The following CUL5 variants were observed in gnomAD, a reference collection of about 807,000 sequenced individuals.
CUL5 encodes cullin 5, also known as cullin-5.
In CUL5, 26 loss-of-function variants were observed where a neutral mutation model predicts 108.8. The ratio of observed to expected loss-of-function variants is 0.24; its 90% CI spans 0.18 to 0.33. The LOEUF (loss-of-function observed/expected upper bound fraction) is 0.33. CUL5 is among the 10% of genes least tolerant of loss of function. The pLI is 1.00. For missense variants in CUL5, 524 were observed against 909.2 expected (o/e 0.58, Z 5.45); for synonymous variants, 334 against 298.0 (o/e 1.12, Z -1.25).
intron 7 of CUL5, among the ~76,000 whole-genome samples, chr11:108,056,116 T>G (rs1427088498): frequency 6.6e-6 from 1 of 152,168 alleles, no homozygotes; most frequent in Non-Finnish European, 1.5e-5. Flanking sequence ...TCAGTGACAG[T>G]ACCATGGTAG....
At chr11:108,102,141 A>G (rs1456266171) in intron 18 of CUL5, among the ~76,000 whole-genome samples, 1 of 150,582 alleles carries the variant, frequency 6.6e-6, no homozygotes, top group Non-Finnish European at 1.5e-5. Flanking sequence ...CCTGCCTCGG[A>G]CTCCTGAGTA....
intron 13 of CUL5, among the ~76,000 whole-genome samples, chr11:108,090,009 C>T (rs557371629): frequency 3.1e-4 from 47 of 149,702 alleles, no homozygotes; most frequent in Admixed American, 8.1e-4. Context: ...CATTGCACTC[C>T]AGCCTGGGTA....
intron 1 of CUL5, among the ~76,000 whole-genome samples, chr11:108,023,807 A>C (rs988952137): frequency 1.3e-5 from 2 of 152,234 alleles, no homozygotes; most frequent in Admixed American, 1.3e-4. Flanking sequence ...AAGTATTGCT[A>C]GAATTTGTTT....
chr11:108,073,284 A>G (rs893008966), intron 9 of CUL5, 106 bp from the exon 10 acceptor site: 3 of 602,066 alleles, frequency 5.0e-6, no homozygotes, highest in Non-Finnish European at 8.8e-6. Flanking sequence ...TTAAGAAAAA[A>G]TATCCCCAGT....
chr11:108,101,737 G>A (rs746835315), intron 18 of CUL5, among the ~76,000 whole-genome samples: 1 of 152,204 alleles, frequency 6.6e-6, no homozygotes, highest in Non-Finnish European at 1.5e-5. Flanking sequence ...ATGGGGACCA[G>A]GGCCAGTGTC....
chr11:108,096,995 A>G (rs1864518724), intron 16 of CUL5, among the ~76,000 whole-genome samples: 1 of 152,034 alleles, frequency 6.6e-6, no homozygotes, highest in Admixed American at 6.6e-5. Context: ...ACATTTTATT[A>G]CTACTCCATA....
In CUL5 at chr11:108,009,345, G is replaced by C. The variant is rs760477694; in HGVS notation, c.-4G>C. 1 of 1,613,468 alleles carries C rather than the reference G, an allele frequency of 6.2e-7. No individual in the cohort carries two copies. The stretch of plus-strand genomic sequence containing the variant: ...TCGTCTCGCGAGAGTCCAAGTTAAA[G>C]AACATGGCGACGTCTAATCTGTTAA... On this transcript the variant is annotated 5_prime_UTR_variant, in exon 1 of 19. Transcript: ENST00000393094.
At chr11:108,020,858 T>G (rs1375491768) in intron 1 of CUL5, among the ~76,000 whole-genome samples, 1 of 152,368 alleles carries the variant, frequency 6.6e-6, no homozygotes, top group Admixed American at 6.5e-5. Flanking sequence ...AGTAATGTCC[T>G]AGACCTTCAC....
At chr11:108,091,502 C>A (rs1864358855) in intron 13 of CUL5, among the ~76,000 whole-genome samples, 1 of 151,798 alleles carries the variant, frequency 6.6e-6, no homozygotes, top group Admixed American at 6.6e-5. Flanking sequence ...TGAGCCTGGG[C>A]AACGTGGTGA....
intron 2 of CUL5, among the ~76,000 whole-genome samples, chr11:108,041,215 C>T (rs1862898285): frequency 6.6e-6 from 1 of 152,120 alleles, no homozygotes; most frequent in South Asian, 2.1e-4. Context: ...GCCCATTTTC[C>T]TTCACAGGTG....
At chr11:108,089,383 A>G in intron 12 of CUL5, 109 bp from the exon 13 acceptor site, 2 of 719,348 alleles carry the variant, frequency 2.8e-6, no homozygotes, top group Non-Finnish European at 4.5e-6. Flanking sequence ...CTATCTGTAT[A>G]TGCTCATAAA....
intron 7 of CUL5, among the ~76,000 whole-genome samples, chr11:108,059,744 C>T (rs1271945205): frequency 1.3e-5 from 2 of 151,824 alleles, no homozygotes; most frequent in South Asian, 2.1e-4. Context: ...ATTAGTTGGG[C>T]GTGGTGGCAC....
intron 11 of CUL5, among the ~76,000 whole-genome samples, chr11:108,080,669 C>T (rs986746436): frequency 1.3e-5 from 2 of 152,128 alleles, no homozygotes; most frequent in African/African-American, 4.8e-5. Context: ...GCTGGGATTA[C>T]AGGCATGAGC....
At chr11:108,046,019 C>T (rs895124142) in intron 2 of CUL5, among the ~76,000 whole-genome samples, 9 of 152,012 alleles carry the variant, frequency 5.9e-5, no homozygotes, top group African/African-American at 2.2e-4. Flanking sequence ...TGGAGACATG[C>T]TTTCATAACT....
At position 108,019,473 on chromosome 11, in the gene CUL5, T is replaced by C. The variant is rs147036503; in HGVS notation, c.24+10101T>C. On this transcript the variant is annotated intron_variant, in intron 1 of 18. Transcript: ENST00000393094. The stretch of plus-strand genomic sequence containing the variant: ...ATTAATTGGATATACAGTCATTTAC[T>C]GCATATTGATGTTTTGGTCAACAAC... Among the ~76,000 whole-genome samples the C allele has an allele frequency of 2.7e-3, 418 of 152,346 alleles. 1 individual carries two copies. Among genetic ancestry groups the C allele is most frequent in the African/African-American group, 9.5e-3 (397 of 41,572 alleles).
At chr11:108,025,598 T>C (rs977722914) in intron 1 of CUL5, among the ~76,000 whole-genome samples, 2 of 152,228 alleles carry the variant, frequency 1.3e-5, no homozygotes, top group Non-Finnish European at 2.9e-5. Context: ...GTGTTTCCAC[T>C]CTGGCTGGTA....
rs966831410 is a variant in CUL5 at position 108,106,295 on chromosome 11, G to C, written c.*1911G>C. The C allele has an allele frequency of 6.6e-6, 1 of 152,406 alleles. No homozygotes were observed. The highest frequency in any genetic ancestry group is 1.5e-5 in the Non-Finnish European group (1 of 67,962). The allele number at this position is 152,406 out of a possible 1,614,324, so 9.4% of individuals were successfully genotyped here. On this transcript the variant is annotated 3_prime_UTR_variant, in exon 19 of 19. Coordinates refer to ENST00000393094, the MANE Select transcript of CUL5 (RefSeq NM_003478.6). ...AATTGCCGTCCATTTTAAAAATTTA[G>C]GTTTGTTGTTTTAAACCATAATTGT...
At chr11:108,049,684 T>G (rs1446870761) in intron 3 of CUL5, among the ~76,000 whole-genome samples, 2 of 152,204 alleles carry the variant, frequency 1.3e-5, no homozygotes, top group Non-Finnish European at 2.9e-5. Context: ...ATATTTGGGT[T>G]GTTTCTATTT....
chr11:108,047,879 TATG>T (rs1403285146), intron 3 of CUL5, among the ~76,000 whole-genome samples: 8 of 152,326 alleles, frequency 5.3e-5, no homozygotes, highest in African/African-American at 1.9e-4. Context: ...GAAATAAACT[TATG>T]AAGAATTACC....
Sources: allele counts gnomAD v4.1 joint callset (sites outside exome capture counted in the v4.1 genomes callset), GRCh38; gene constraint gnomAD v4.1.1; transcripts MANE v1.5; gene names NCBI Gene and HGNC (gene_info 2026-07-23, HGNC 2026-07-21).